PTPRD: variants seen among roughly 807,000 people sequenced by gnomAD.
The protein encoded by PTPRD is receptor-type tyrosine-protein phosphatase delta.
PTPRD carries 34 observed loss-of-function variants against 214.5 expected under a neutral mutation model. The ratio of observed to expected loss-of-function variants is 0.16; its 90% confidence interval spans 0.12 to 0.21. The LOEUF is 0.21. Ranked by LOEUF, PTPRD falls within the 10% of genes least tolerant of loss-of-function variation. The pLI, the probability that PTPRD is intolerant of heterozygous loss-of-function variation, is 1.00. For missense variants in PTPRD, 2,545 were observed against 2,398.7 expected (o/e 1.06, Z -1.27); for synonymous variants, 1,128 against 845.7 (o/e 1.33, Z -5.79).
intron 3 of PTPRD, among the ~76,000 whole-genome samples, chr9:10,227,806 G>A (rs75062422): frequency 2.9e-3 from 448 of 152,092 alleles, no homozygotes; most frequent in Non-Finnish European, 5.5e-3. Context: ...ATGAGAGAGT[G>A]AATGAGAGAA....
chr9:10,494,299 C>T (rs762735588), intron 2 of PTPRD, among the ~76,000 whole-genome samples: 22 of 151,812 alleles, frequency 1.4e-4, no homozygotes, highest in Non-Finnish European at 2.9e-4. Context: ...TCTCTGATTA[C>T]ATGCATTTCT....
intron 3 of PTPRD, among the ~76,000 whole-genome samples, chr9:10,064,636 A>G (rs1333303790): frequency 1.3e-5 from 2 of 151,886 alleles, no homozygotes; most frequent in Admixed American, 6.6e-5. Flanking sequence ...TCCCTCTTAC[A>G]AAAGGGGAGA....
chr9:10,268,061 G>C (rs1185938425), intron 3 of PTPRD, among the ~76,000 whole-genome samples: 2 of 150,778 alleles, frequency 1.3e-5, no homozygotes, highest in East Asian at 3.9e-4. Flanking sequence ...CAGAATTGTT[G>C]GAGGCTAGGA....
chr9:10,196,094 C>T (rs1039410001), intron 3 of PTPRD, among the ~76,000 whole-genome samples: 6 of 152,248 alleles, frequency 3.9e-5, no homozygotes, highest in Non-Finnish European at 7.4e-5. Flanking sequence ...TTTCTATACA[C>T]TTATAGAAAT....
At chr9:10,291,354 C>T (rs1174858402) in intron 3 of PTPRD, among the ~76,000 whole-genome samples, 3 of 152,098 alleles carry the variant, frequency 2.0e-5, no homozygotes, top group Non-Finnish European at 2.9e-5. Context: ...TAATCCTTGA[C>T]ATCCTAATCC....
At chr9:9,114,253 G>A (rs531828646) in intron 10 of PTPRD, among the ~76,000 whole-genome samples, 1 of 152,102 alleles carries the variant, frequency 6.6e-6, no homozygotes, top group Non-Finnish European at 1.5e-5. Flanking sequence ...GGTATTGATG[G>A]CCATACAGTT....
chr9:10,116,431 G>T (rs951174368), intron 3 of PTPRD, among the ~76,000 whole-genome samples: 1 of 152,030 alleles, frequency 6.6e-6, no homozygotes, highest in African/African-American at 2.4e-5. Context: ...AGAAATCATA[G>T]ATATTTTCGT....
intron 39 of PTPRD, among the ~76,000 whole-genome samples, chr9:8,353,856 GTGTATATA>G (rs1424556648): frequency 1.4e-4 from 18 of 126,724 alleles, no homozygotes; most frequent in Non-Finnish European, 2.2e-4. Flanking sequence ...ATGTATATAT[GTGTATATA>G]TGTATATATG....
intron 11 of PTPRD, among the ~76,000 whole-genome samples, chr9:8,922,654 G>C (rs892904381): frequency 1.3e-5 from 2 of 151,614 alleles, no homozygotes; most frequent in Non-Finnish European, 2.9e-5. Flanking sequence ...TTTTTTTTGA[G>C]ACAGAGTCTC....
intron 36 of PTPRD, among the ~76,000 whole-genome samples, chr9:8,392,678 T>G (rs1036192651): frequency 2.6e-5 from 4 of 152,160 alleles, no homozygotes; most frequent in African/African-American, 9.7e-5. Flanking sequence ...AAGAAGGTAG[T>G]ACATGGAATG....
At chr9:9,502,776 A>G (rs1206876130) in intron 8 of PTPRD, among the ~76,000 whole-genome samples, 3 of 151,936 alleles carry the variant, frequency 2.0e-5, no homozygotes, top group East Asian at 3.9e-4. Context: ...ATATAACAAC[A>G]TGTATACATC....
At chr9:8,902,345 C>CTT (rs36112845) in intron 11 of PTPRD, among the ~76,000 whole-genome samples, 19 of 133,150 alleles carry the variant, frequency 1.4e-4, no homozygotes, top group African/African-American at 4.3e-4. Context: ...CTTTCTTTTT[C>CTT]TTTTTTTTTT....
intron 8 of PTPRD, among the ~76,000 whole-genome samples, chr9:9,469,090 T>G (rs1241272979): frequency 6.6e-6 from 1 of 152,130 alleles, no homozygotes; most frequent in African/African-American, 2.4e-5. Context: ...GGGATATGCT[T>G]ATCACATACA....
chr9:9,917,677 G>A (rs1488359648), intron 5 of PTPRD, among the ~76,000 whole-genome samples: 1 of 151,838 alleles, frequency 6.6e-6, no homozygotes, highest in Admixed American at 6.6e-5. Flanking sequence ...GATGAACAGA[G>A]ACACAAAAGT....
At chr9:10,325,465 T>C (rs2096626628) in intron 3 of PTPRD, among the ~76,000 whole-genome samples, 1 of 151,966 alleles carries the variant, frequency 6.6e-6, no homozygotes, top group African/African-American at 2.4e-5. Flanking sequence ...CTACTGTCTT[T>C]ATAAACAATT....
chr9:10,150,605 A>G (rs1334899559), intron 3 of PTPRD, among the ~76,000 whole-genome samples: 1 of 152,022 alleles, frequency 6.6e-6, no homozygotes, highest in Non-Finnish European at 1.5e-5. Flanking sequence ...ACATGTATAC[A>G]TATGTAACAA....
chr9:9,882,394 TATC>T (rs1419404862), intron 5 of PTPRD, among the ~76,000 whole-genome samples: 1 of 152,146 alleles, frequency 6.6e-6, no homozygotes, highest in African/African-American at 2.4e-5. Context: ...GCTTGGTCAA[TATC>T]ATGATCCAAA....
intron 8 of PTPRD, among the ~76,000 whole-genome samples, chr9:9,437,407 T>C (rs551883184): frequency 2.6e-5 from 4 of 151,478 alleles, no homozygotes; most frequent in African/African-American, 9.7e-5. Flanking sequence ...ATGGCTGTAA[T>C]CACAATGATG....
intron 3 of PTPRD, among the ~76,000 whole-genome samples, chr9:10,260,524 G>A (rs1345688694): frequency 6.6e-6 from 1 of 151,972 alleles, no homozygotes; most frequent in East Asian, 1.9e-4. Context: ...CAGCATTTCT[G>A]AATAGAAAAC....
Sources: allele counts gnomAD v4.1 joint callset (sites outside exome capture counted in the v4.1 genomes callset), GRCh38; gene constraint gnomAD v4.1.1; transcripts MANE v1.5; gene names NCBI Gene and HGNC (gene_info 2026-07-23, HGNC 2026-07-21).